Variants in EP400 observed in about 807,000 individuals in gnomAD.
EP400 encodes the protein E1A-binding protein p400.
A neutral mutation model predicts 354.1 loss-of-function variants in EP400; 105 were observed. The observed-to-expected ratio is 0.30, with a 90% CI of 0.25 to 0.35. The LOEUF is 0.35. EP400 is among the 10% of genes least tolerant of loss of function. EP400 has a pLI of 1.00. For synonymous variants in EP400, 1,646 were observed against 1,716.9 expected (o/e 0.96, Z 1.02); for missense variants, 3,280 against 4,121.0 (o/e 0.80, Z 5.59).
At position 132,004,398 on chromosome 12, in the gene EP400, A is replaced by AT. The variant is rs139904688; in HGVS notation, c.2828-670dup. On this transcript the variant is annotated intron_variant, in intron 12 of 52. Coordinates refer to ENST00000389561, the MANE Select transcript of EP400 (RefSeq NM_015409.5). ...ATTGGGGATTTAATTAATGTGTGGT[A>AT]TTTTTTTTTAAGCAATTAGGGTGAG... 1.6e-3 allele frequency among the ~76,000 whole-genome samples: 240 copies of AT among 151,430 alleles called. 1 individual carries two copies. Among genetic ancestry groups the AT allele is most frequent in the African/African-American group, 5.5e-3 (227 of 41,308 alleles).
At chr12:132,015,523 G>A (rs1296057771) in intron 19 of EP400, among the ~76,000 whole-genome samples, 5 of 152,206 alleles carry the variant, frequency 3.3e-5, no homozygotes, top group African/African-American at 7.2e-5. Context: ...TAGGGAGTCC[G>A]ACCCATTGCC....
Position 131,990,659 on chromosome 12 carries a change from A to C in EP400, c.2574A>C (p.Val858=). The part of the protein sequence containing the change: ...IEQVVEIKLR[V]ELEEKRKKAL... Reference sequence around the variant, plus strand: ...AGGTTGTGGAAATAAAACTACGAGTAGAATTAGAAGAAAAAAGGAAGAAGG... The same window carrying C: ...AGGTTGTGGAAATAAAACTACGAGTCGAATTAGAAGAAAAAAGGAAGAAGG... Residue 858 remains valine (V), a synonymous_variant, in exon 9 of 53, where the codon GTA becomes GTC. Coordinates refer to ENST00000389561, the MANE Select transcript of EP400 (RefSeq NM_015409.5). The surrounding 1 kb of genome is among the most constrained non-coding windows in gnomAD (Gnocchi z 4.2). 6.2e-7 allele frequency: 1 copy of C among 1,612,268 alleles called. No individual in the cohort carries two copies. Among genetic ancestry groups the C allele is most frequent in the Non-Finnish European group, 8.5e-7 (1 of 1,178,792 alleles).
chr12:132,054,928 G>C lies in EP400; in HGVS notation c.7729-46G>C, dbSNP rs769883290. 18 of 1,588,904 alleles carry C rather than the reference G, an allele frequency of 1.1e-5. No individual in the cohort carries two copies. The highest frequency in any genetic ancestry group is 1.4e-5 in the Non-Finnish European group (16 of 1,157,972). On this transcript the variant is annotated intron_variant, in intron 43 of 52. Coordinates refer to ENST00000389561, the MANE Select transcript of EP400 (RefSeq NM_015409.5). This position sits in a 1 kb window ranked among gnomAD's most constrained non-coding sequence, Gnocchi z 4.0. ...GAAGCCTTTGGAGGATTTATGCAGGGGAGAGCCTGACGTGAAATTCAAATG... is the reference window on the plus strand; with the variant it reads ...GAAGCCTTTGGAGGATTTATGCAGGCGAGAGCCTGACGTGAAATTCAAATG...
At chr12:132,041,555 G>A (rs569814306) in intron 32 of EP400, among the ~76,000 whole-genome samples, 4 of 152,276 alleles carry the variant, frequency 2.6e-5, no homozygotes, top group South Asian at 2.1e-4. Flanking sequence ...TGAATATACC[G>A]CCGTTTATCA....
chr12:132,045,016 C>A, intron 37 of EP400, 63 bp downstream of exon 37: 1 of 1,590,980 alleles, frequency 6.3e-7, no homozygotes, highest in Non-Finnish European at 8.5e-7. Context: ...CCCTGCATGT[C>A]AGCCACTTTC....
chr12:131,955,770 G>C (rs974688116), intron 1 of EP400, among the ~76,000 whole-genome samples: 1 of 151,970 alleles, frequency 6.6e-6, no homozygotes, highest in African/African-American at 2.4e-5. Context: ...TCAGCCTCCC[G>C]AGTAGCTGTG....
intron 5 of EP400, among the ~76,000 whole-genome samples, chr12:131,984,218 G>C (rs2136494732): frequency 6.6e-6 from 1 of 152,254 alleles, no homozygotes; most frequent in Non-Finnish European, 1.5e-5. Context: ...TTATGTTTGA[G>C]ATTTATGGCA....
intron 2 of EP400, among the ~76,000 whole-genome samples, chr12:131,972,429 A>C (rs549630491): frequency 6.0e-4 from 91 of 152,234 alleles, no homozygotes; most frequent in Non-Finnish European, 1.2e-3. Flanking sequence ...CTGGGATTAC[A>C]GGCGTGAGCC....
rs1491404679 is a variant in EP400 at position 132,062,541 on chromosome 12, AGC to A, written c.8175_8176del (p.Gln2726ThrfsTer256). On this transcript the variant is annotated frameshift_variant, in exon 47 of 53. Transcript: ENST00000389561. LOFTEE classifies it high-confidence loss of function. ...CTTCTCAGGCAGCAGCAGCAGCAGC[AGC>A]AACAACAGCAGCAGCAGCAGCAGCA... 1.2e-6 allele frequency: 2 copies of A among 1,601,684 alleles called. No homozygotes were observed. The highest frequency in any genetic ancestry group is 2.8e-5 in the African/African-American group (2 of 72,000).
chr12:132,075,780 G>GCA lies in EP400; in HGVS notation c.9022-735_9022-734dup, dbSNP rs1289394762. 5.2e-5 allele frequency: 8 copies of GCA among 152,600 alleles called. No homozygotes were observed. In the East Asian group the frequency reaches 1.3e-3, roughly 26 times the overall value. 9.5% of individuals were successfully genotyped at this position (152,600 alleles called of 1,614,324 possible). On this transcript the variant is annotated intron_variant, in intron 51 of 52. Coordinates refer to ENST00000389561, the MANE Select transcript of EP400 (RefSeq NM_015409.5). The surrounding 1 kb of genome is among the most constrained non-coding windows in gnomAD (Gnocchi z 4.5). ...CGTTTTCTGTAAGTAACAGGACCCA[G>GCA]CAAGAGACCAGGGTCCGTGAGGGCC...
chr12:132,033,799 T>C (rs933070422), intron 30 of EP400, among the ~76,000 whole-genome samples: 1 of 152,232 alleles, frequency 6.6e-6, no homozygotes, highest in African/African-American at 2.4e-5. Context: ...CCCAAAATGC[T>C]GGGATTACAG....
chr12:132,053,461 C>T lies in EP400; in HGVS notation c.7592C>T (p.Ala2531Val), dbSNP rs375109675. The change falls in exon 43 of 53, where the codon GCG becomes GTG. Residue 2531 changes from alanine (A) to valine (V), a missense_variant. Ala to Val is a moderately conservative substitution (Grantham distance 64). This residue lies in a region of EP400 where 255 missense variants were observed against 295.9 expected (regional missense o/e 0.86). Transcript: ENST00000389561. ...PPPPLPQPQA[A>V]GSQPPAGPPA... ...CCACCGCTGCCACAACCACAGGCAG[C>T]GGGCAGCCAGCCGCCAGCAGGGCCA... The T allele has an allele frequency of 1.4e-5, 21 of 1,529,298 alleles. No individual in the cohort carries two copies. Among genetic ancestry groups the T allele is most frequent in the East Asian group, 9.8e-5 (4 of 40,764 alleles). The allele number at this position is 1,529,298 out of a possible 1,614,324, so 94.7% of individuals were successfully genotyped here.
rs146945964 is a variant in EP400 at position 132,044,852 on chromosome 12, C to T, written c.6683C>T (p.Ser2228Leu). The T allele has an allele frequency of 1.9e-6, 3 of 1,614,192 alleles. No homozygotes were observed. Among genetic ancestry groups the T allele is most frequent in the Non-Finnish European group, 2.5e-6 (3 of 1,180,036 alleles). Reference protein sequence around the residue: ...PQDDSDIYLDSVMCLMYEATP... With the variant: ...PQDDSDIYLDLVMCLMYEATP... ...GACGACAGCGACATCTACCTCGACT[C>T]GGTCATGTGTCTCATGTATGAAGCC... The change falls in exon 37 of 53, where the codon TCG becomes TTG. Residue 2228 changes from serine to leucine, a missense_variant. Around this residue, in one of 20 missense-constraint regions of EP400, gnomAD observed 231 missense variants for 257.9 expected, o/e 0.90. Transcript: ENST00000389561.
rs1432068307 is a variant in EP400, at chr12:131,990,831, C to T, written c.2629+117C>T. 1 of 717,818 alleles carries T rather than the reference C, an allele frequency of 1.4e-6. No homozygotes were observed. Among genetic ancestry groups the T allele is most frequent in the Non-Finnish European group, 2.4e-6 (1 of 415,100 alleles). 44.5% of individuals were successfully genotyped at this position (717,818 alleles called of 1,614,324 possible). A position where few individuals can be genotyped will look rare whatever the true frequency, so the allele number is the denominator to read the frequency against. ...CCACAGAGGACATCTGCTCATCAGC[C>T]AGCTGCCTGATTGTTACATTTCTCT... On this transcript the variant is annotated intron_variant, in intron 9 of 52. Coordinates refer to ENST00000389561, the MANE Select transcript of EP400 (RefSeq NM_015409.5). This position sits in a 1 kb window ranked among gnomAD's most constrained non-coding sequence, Gnocchi z 4.2.
rs373862004 is a variant in EP400, at chr12:132,028,308, C to A, written c.5381+20C>A. Reference sequence around the variant, plus strand: ...TGACAGGTACTGCAGACCTCGTGACCTTTTCGGTGCTCTCTGGCTGCATTG... The same window carrying A: ...TGACAGGTACTGCAGACCTCGTGACATTTTCGGTGCTCTCTGGCTGCATTG... On this transcript the variant is annotated intron_variant, in intron 27 of 52. Coordinates refer to ENST00000389561, the MANE Select transcript of EP400 (RefSeq NM_015409.5). 1 of 1,604,002 alleles carries A rather than the reference C, an allele frequency of 6.2e-7. No individual in the cohort carries two copies. The highest frequency in any genetic ancestry group is 8.5e-7 in the Non-Finnish European group (1 of 1,171,476).
Position 132,067,096 on chromosome 12 carries a change from G to T in EP400, c.8749+127G>T, listed in dbSNP as rs554751533. ...CACCCACTTGAGCGTGCCATCACGTGTTCTAGCACAAACGTGCCTTGGCGC... is the reference window on the plus strand; with the variant it reads ...CACCCACTTGAGCGTGCCATCACGTTTTCTAGCACAAACGTGCCTTGGCGC... On this transcript the variant is annotated intron_variant, in intron 49 of 52. Coordinates refer to ENST00000389561, the MANE Select transcript of EP400 (RefSeq NM_015409.5). This position sits in a 1 kb window ranked among gnomAD's most constrained non-coding sequence, Gnocchi z 5.3. The T allele has an allele frequency of 9.3e-6, 12 of 1,286,224 alleles. No individual in the cohort carries two copies. Among genetic ancestry groups the T allele is most frequent in the Non-Finnish European group, 1.2e-5 (12 of 964,898 alleles). 79.7% of individuals were successfully genotyped at this position (1,286,224 alleles called of 1,614,324 possible).
At chr12:131,991,350 A>G (rs1326808676) in intron 9 of EP400, 57 bp from the exon 10 acceptor site, 2 of 1,585,188 alleles carry the variant, frequency 1.3e-6, no homozygotes, top group Non-Finnish European at 1.7e-6. Flanking sequence ...GAAAGCAGAG[A>G]CGCCCTCGCC....
chr12:132,064,940 C>G (rs1895840795), intron 48 of EP400, 54 bp downstream of exon 48: 2 of 1,540,356 alleles, frequency 1.3e-6, no homozygotes, highest in Non-Finnish European at 1.7e-6. Context: ...TATGTTTTAA[C>G]ACAGCTGTTG....
Position 132,021,140 on chromosome 12 carries a change from C to G in EP400, c.4509C>G (p.Ala1503=), listed in dbSNP as rs1281420829. The change falls in exon 23 of 53, where the codon GCC becomes GCG. Residue 1503 remains alanine (A), a synonymous_variant. Transcript: ENST00000389561. ...CCAGTGCTCCACGACACCAGCCCGC[C>G]TCGGCCTCCAGCACAGCCGCTAGCC... The part of the protein sequence containing the change: ...ASASAPRHQP[A]SASSTAASPA... The G allele has an allele frequency of 6.2e-7, 1 of 1,600,472 alleles. No individual in the cohort carries two copies. The highest frequency in any genetic ancestry group is 1.7e-5 in the Admixed American group (1 of 60,008).
Sources: gnomAD v4.1 joint callset for allele counts (sites outside exome capture counted in the v4.1 genomes callset) on GRCh38, gnomAD v4.1.1 for gene constraint, gnomAD v4.1.1 regional missense constraint, Gnocchi (gnomAD v3.1) non-coding constraint, MANE v1.5 for transcripts, NCBI Gene and HGNC (gene_info 2026-07-23, HGNC 2026-07-21) for gene names.